PAK1: variants seen among roughly 807,000 people sequenced by gnomAD.
PAK1 encodes serine/threonine-protein kinase PAK 1.
In PAK1, 29 loss-of-function variants were observed where a neutral mutation model predicts 67.4. The observed-to-expected ratio is 0.43, with a 90% CI of 0.32 to 0.59. The LOEUF (loss-of-function observed/expected upper bound fraction) is 0.59. Among genes scored for constraint, PAK1 ranks in the 20% least tolerant of loss-of-function variants. The pLI, the probability that PAK1 is intolerant of heterozygous loss-of-function variation, is 0.07. For synonymous variants in PAK1, 223 were observed against 237.4 expected (o/e 0.94, Z 0.56); for missense variants, 337 against 670.7 (o/e 0.50, Z 5.50).
chr11:77,463,752 T>C (rs1332487617), intron 1 of PAK1, among the ~76,000 whole-genome samples: 1 of 152,202 alleles, frequency 6.6e-6, no homozygotes, highest in Non-Finnish European at 1.5e-5. Context: ...ACTAGGATAT[T>C]ACACAGGGTA....
At chr11:77,443,354 G>C (rs1289451068) in intron 1 of PAK1, among the ~76,000 whole-genome samples, 1 of 145,878 alleles carries the variant, frequency 6.9e-6, no homozygotes, top group Non-Finnish European at 1.5e-5. Context: ...TGTTATAATA[G>C]ACTGTGGAAG....
intron 1 of PAK1, among the ~76,000 whole-genome samples, chr11:77,446,561 T>C (rs952950179): frequency 2.0e-5 from 3 of 150,000 alleles, no homozygotes; most frequent in Non-Finnish European, 4.4e-5. Flanking sequence ...GGTCATATAG[T>C]TAATAGATGA....
At chr11:77,350,286 C>T (rs1945052222) in intron 8 of PAK1, among the ~76,000 whole-genome samples, 1 of 152,094 alleles carries the variant, frequency 6.6e-6, no homozygotes, top group African/African-American at 2.4e-5. Context: ...CATACATGCT[C>T]CCAGAAGATC....
At chr11:77,464,217 G>C (rs1957489588) in intron 1 of PAK1, among the ~76,000 whole-genome samples, 1 of 151,988 alleles carries the variant, frequency 6.6e-6, no homozygotes, top group South Asian at 2.1e-4. Flanking sequence ...CTACTCTCAG[G>C]GCCTTTGTGC....
intron 1 of PAK1, among the ~76,000 whole-genome samples, chr11:77,436,624 C>T (rs1163236261): frequency 6.6e-6 from 1 of 152,178 alleles, no homozygotes; most frequent in Non-Finnish European, 1.5e-5. Flanking sequence ...TAGAACACTG[C>T]AGAAGTCAGA....
At chr11:77,429,056 TA>T (rs566874549) in intron 1 of PAK1, among the ~76,000 whole-genome samples, 4 of 48,994 alleles carry the variant, frequency 8.2e-5, no homozygotes, top group Non-Finnish European at 9.5e-5. Context: ...CATTTAATAC[TA>T]AAAAAAAAAA....
intron 7 of PAK1, among the ~76,000 whole-genome samples, chr11:77,354,752 C>T (rs1368178419): frequency 6.6e-6 from 1 of 152,146 alleles, no homozygotes; most frequent in Non-Finnish European, 1.5e-5. Context: ...AACTAGAGAA[C>T]CACAAAGCAA....
intron 14 of PAK1, among the ~76,000 whole-genome samples, chr11:77,330,123 T>G (rs552237190): frequency 7.9e-5 from 12 of 152,006 alleles, no homozygotes; most frequent in South Asian, 2.1e-4. Context: ...CACTGCTCAA[T>G]GAAATAAAAG....
At chr11:77,359,183 G>A (rs914451525) in intron 5 of PAK1, among the ~76,000 whole-genome samples, 166 bp from the exon 6 acceptor site, 1 of 152,034 alleles carries the variant, frequency 6.6e-6, no homozygotes, top group African/African-American at 2.4e-5. Flanking sequence ...AGCTCAATCT[G>A]TTTCTCCCTC....
At chr11:77,453,776 A>G (rs1026666945) in intron 1 of PAK1, among the ~76,000 whole-genome samples, 1 of 152,160 alleles carries the variant, frequency 6.6e-6, no homozygotes, top group African/African-American at 2.4e-5. Context: ...GCTGATCTGA[A>G]TATGATCAAA....
chr11:77,510,212 C>T, the PAK1 span, among the ~76,000 whole-genome samples: 7 of 152,262 alleles, frequency 4.6e-5, no homozygotes, highest in East Asian at 1.2e-3. Context: ...AAGACGTGTA[C>T]TTTGTGATTC....
intron 1 of PAK1, among the ~76,000 whole-genome samples, chr11:77,428,450 TAGCCCC>T (rs1955672726): frequency 6.6e-6 from 1 of 151,794 alleles, no homozygotes; most frequent in Non-Finnish European, 1.5e-5. Context: ...CAGACGCCTG[TAGCCCC>T]AGCTACTCGG....
Position 77,383,860 on chromosome 11 carries a change from T to A in PAK1, c.191-3866A>T, listed in dbSNP as rs571958509. The stretch of plus-strand genomic sequence containing the variant: ...GGCTCATCACCACAAACCCAGGAGC[T>A]AAACAGCTGAGGTCAGGGAATTAAA... On this transcript the variant is annotated intron_variant, in intron 2 of 14. Transcript: ENST00000356341. Among the ~76,000 whole-genome samples the A allele has an allele frequency of 4.6e-5, 7 of 152,256 alleles. No individual in the cohort carries two copies. The South Asian group carries it at 1.5e-3, about 32-fold the overall frequency.
intron 2 of PAK1, among the ~76,000 whole-genome samples, chr11:77,383,321 A>T (rs1028044303): frequency 7.4e-6 from 1 of 135,648 alleles, no homozygotes; most frequent in African/African-American, 2.8e-5. Context: ...GTACTGTGTA[A>T]TTTTTTTTTT....
At chr11:77,445,074 T>C (rs545291191) in intron 1 of PAK1, among the ~76,000 whole-genome samples, 1 of 152,208 alleles carries the variant, frequency 6.6e-6, no homozygotes, top group South Asian at 2.1e-4. Context: ...AATGAGGTCA[T>C]TAGGGTGGAC....
At chr11:77,495,802 CTA>C in the PAK1 span, among the ~76,000 whole-genome samples, 6 of 152,164 alleles carry the variant, frequency 3.9e-5, no homozygotes, top group African/African-American at 1.4e-4. Flanking sequence ...AATACAAACT[CTA>C]TGATTCTACT....
At chr11:77,523,246 G>C in the PAK1 span, among the ~76,000 whole-genome samples, 2 of 152,046 alleles carry the variant, frequency 1.3e-5, no homozygotes, top group African/African-American at 4.8e-5. Context: ...TTTTTTAAAA[G>C]GTTCTTATCC....
intron 13 of PAK1, among the ~76,000 whole-genome samples, chr11:77,334,842 T>C (rs930300747): frequency 6.6e-6 from 1 of 152,148 alleles, no homozygotes; most frequent in Non-Finnish European, 1.5e-5. Context: ...AAAAAACCTG[T>C]TTATACATGC....
the PAK1 span, among the ~76,000 whole-genome samples, chr11:77,493,407 T>G: frequency 7.4e-5 from 11 of 149,024 alleles, no homozygotes; most frequent in African/African-American, 2.7e-4. Context: ...GCCTCCCGAG[T>G]AGCTGGGATC....
Sources: gnomAD v4.1 joint callset for allele counts (sites outside exome capture counted in the v4.1 genomes callset) on GRCh38, gnomAD v4.1.1 for gene constraint, MANE v1.5 for transcripts, NCBI Gene and HGNC (gene_info 2026-07-23, HGNC 2026-07-21) for gene names.